NRP1: variants seen among roughly 807,000 people sequenced by gnomAD.
The protein encoded by NRP1 is neuropilin 1.
A neutral mutation model predicts 106.7 loss-of-function variants in NRP1; 35 were observed. That is an observed-to-expected ratio of 0.33 (90% CI 0.25 to 0.43). NRP1 has a LOEUF of 0.43. Among genes scored for constraint, NRP1 ranks in the 20% least tolerant of loss-of-function variants. The pLI is 1.00. For synonymous variants in NRP1, 437 were observed against 417.9 expected, an observed-to-expected ratio of 1.05 and a Z score of -0.56; for missense variants, 1,024 against 1,170.4, an observed-to-expected ratio of 0.87 and a Z score of 1.83.
Position 33,221,856 on chromosome 10 carries a change from T to C in NRP1, c.1145A>G (p.Gln382Arg). The C allele has an allele frequency of 1.9e-6, 3 of 1,610,614 alleles. No individual in the cohort carries two copies. Among genetic ancestry groups the C allele is most frequent in the Non-Finnish European group, 2.5e-6 (3 of 1,177,086 alleles). Residue 382 changes from glutamine to arginine, a missense_variant, in exon 8 of 17, where the codon CAG (glutamine) becomes CGG (arginine). Physicochemically the swap from Gln to Arg is conservative, Grantham distance 43. Around this residue, in one of 5 missense-constraint regions of NRP1, gnomAD observed 562 missense variants for 620.3 expected, o/e 0.91. Coordinates refer to ENST00000374867, the MANE Select transcript of NRP1 (RefSeq NM_003873.7). ...IKEGNKPVLF[Q>R]GNTNPTDVVV... ...AACATCTGTGGGGTTGGTGTTTCCCTGAAAGAGCTGTATGGGGAAAAAAAG... is the reference window on the plus strand; with the variant it reads ...AACATCTGTGGGGTTGGTGTTTCCCCGAAAGAGCTGTATGGGGAAAAAAAG...
rs551474580 is a variant in NRP1 at position 33,187,063 on chromosome 10, G to T, written c.2063-575C>A. Among the ~76,000 whole-genome samples the T allele has an allele frequency of 1.3e-4, 20 of 152,022 alleles. No individual in the cohort carries two copies. In the East Asian group the frequency reaches 3.9e-3, roughly 29 times the overall value. Reference sequence around the variant, plus strand: ...TAATTTTTTTTTTTAAGTAGAGATAGAATCTTGCTATGTTGCCCAGGCTAG... The same window carrying T: ...TAATTTTTTTTTTTAAGTAGAGATATAATCTTGCTATGTTGCCCAGGCTAG... On this transcript the variant is annotated intron_variant, in intron 13 of 16. Transcript: ENST00000374867.
chr10:33,299,684 T>C (rs969092863), intron 2 of NRP1, among the ~76,000 whole-genome samples: 5 of 151,858 alleles, frequency 3.3e-5, no homozygotes, highest in Non-Finnish European at 7.4e-5. Flanking sequence ...TACTGAAGAG[T>C]CTGAAGCAGG....
intron 6 of NRP1, among the ~76,000 whole-genome samples, chr10:33,244,661 T>C (rs1244974418): frequency 6.6e-6 from 1 of 152,120 alleles, no homozygotes. Flanking sequence ...ATATTATCTT[T>C]CCCATGAAAA....
chr10:33,327,884 T>C (rs1305408541), intron 2 of NRP1, among the ~76,000 whole-genome samples: 1 of 152,146 alleles, frequency 6.6e-6, no homozygotes, highest in Non-Finnish European at 1.5e-5. Flanking sequence ...TTCTCATTGA[T>C]AAAAAGCTCA....
At chr10:33,300,090 A>G (rs1845696570) in intron 2 of NRP1, among the ~76,000 whole-genome samples, 1 of 152,212 alleles carries the variant, frequency 6.6e-6, no homozygotes. Flanking sequence ...AGTCCCCTGT[A>G]TTCCTGTACA....
intron 5 of NRP1, among the ~76,000 whole-genome samples, chr10:33,254,938 G>A (rs1537174): frequency 0.14 from 21,798 of 152,162 alleles, 1,902 homozygotes; most frequent in East Asian, 0.47. Flanking sequence ...CAGCAGGGAC[G>A]TGGTGTTTCA....
chr10:33,199,278 C>T (rs1837032588), intron 11 of NRP1, among the ~76,000 whole-genome samples: 2 of 147,218 alleles, frequency 1.4e-5, no homozygotes, highest in African/African-American at 5.0e-5. Flanking sequence ...CTCACTGTGG[C>T]CTCAAACTTC....
At chr10:33,307,146 A>C (rs1846222702) in intron 2 of NRP1, among the ~76,000 whole-genome samples, 1 of 152,194 alleles carries the variant, frequency 6.6e-6, no homozygotes, top group Admixed American at 6.5e-5. Flanking sequence ...ATAGGCTCAA[A>C]TCTTCATAAA....
At chr10:33,239,083 G>C (rs773549122) in intron 6 of NRP1, among the ~76,000 whole-genome samples, 7 of 152,050 alleles carry the variant, frequency 4.6e-5, no homozygotes, top group Non-Finnish European at 7.4e-5. Flanking sequence ...TTGAGCTCAG[G>C]AGTTCAAGAT....
chr10:33,330,860 T>G lies in NRP1; in HGVS notation c.96A>C (p.Lys32Asn), dbSNP rs746772930. 1 of 1,607,758 alleles carries G rather than the reference T, an allele frequency of 6.2e-7. No individual in the cohort carries two copies. Reference sequence around the variant, plus strand: ...ATGTAAGGTACCCGGGGCTTTCAATTTTTATAGTATCGCCACATTTATCTG... The same window carrying G: ...ATGTAAGGTACCCGGGGCTTTCAATGTTTATAGTATCGCCACATTTATCTG... ...FRNDKCGDTI[K>N]IESPGYLTSP... The change falls in exon 2 of 17, where the codon AAA becomes AAC. Residue 32 changes from lysine (K) to asparagine (N), a missense_variant. By Grantham distance (94) the Lys-to-Asn change is moderately conservative. Coordinates refer to ENST00000374867, the MANE Select transcript of NRP1 (RefSeq NM_003873.7).
At chr10:33,235,484 C>T (rs1840485505) in intron 6 of NRP1, among the ~76,000 whole-genome samples, 1 of 152,228 alleles carries the variant, frequency 6.6e-6, no homozygotes, top group African/African-American at 2.4e-5. Context: ...CTGTGGCAAG[C>T]CACCAGAAAA....
At chr10:33,209,655 T>C (rs570974799) in intron 9 of NRP1, among the ~76,000 whole-genome samples, 1 of 152,234 alleles carries the variant, frequency 6.6e-6, no homozygotes, top group South Asian at 2.1e-4. Context: ...TTTTGCATTT[T>C]CAGTAGAAAC....
intron 3 of NRP1, among the ~76,000 whole-genome samples, chr10:33,269,948 CATT>C (rs1387044778): frequency 6.6e-6 from 1 of 152,178 alleles, no homozygotes; most frequent in Non-Finnish European, 1.5e-5. Flanking sequence ...ATAATTATTT[CATT>C]ATATATTACA....
At chr10:33,213,215 A>G (rs77435617) in intron 9 of NRP1, 171 bp downstream of exon 9, 25,293 of 1,532,946 alleles carry the variant, frequency 0.016, 234 homozygotes, top group Non-Finnish European at 0.02. Context: ...ATCACTTTTC[A>G]TGCCATATTC....
intron 2 of NRP1, among the ~76,000 whole-genome samples, chr10:33,299,841 G>C (rs996410554): frequency 1.1e-4 from 16 of 152,306 alleles, no homozygotes; most frequent in Non-Finnish European, 2.1e-4. Context: ...ATGCTTGCTT[G>C]AGAATCCTGG....
chr10:33,197,743 G>A, intron 11 of NRP1, 34 bp from the exon 12 acceptor site: 1 of 1,325,218 alleles, frequency 7.5e-7, no homozygotes, highest in Non-Finnish European at 1.1e-6. Flanking sequence ...GCAAAAATAA[G>A]AAAACAGTAG....
intron 6 of NRP1, among the ~76,000 whole-genome samples, chr10:33,236,688 A>G (rs1436826384): frequency 6.6e-6 from 1 of 152,240 alleles, no homozygotes; most frequent in Non-Finnish European, 1.5e-5. Flanking sequence ...GGTAACAGTA[A>G]TAGAAGAATG....
At chr10:33,191,688 A>G (rs1359136473) in intron 13 of NRP1, among the ~76,000 whole-genome samples, 1 of 152,306 alleles carries the variant, frequency 6.6e-6, no homozygotes, top group Non-Finnish European at 1.5e-5. Context: ...CAGAAAAAGT[A>G]TAAGATGAGG....
intron 6 of NRP1, among the ~76,000 whole-genome samples, chr10:33,237,591 T>C (rs1215881175): frequency 6.8e-6 from 1 of 147,378 alleles, no homozygotes; most frequent in African/African-American, 2.5e-5. Flanking sequence ...TTTTTTTTTT[T>C]TTTTTTGAGA....
Sources: gnomAD v4.1 joint callset for allele counts (sites outside exome capture counted in the v4.1 genomes callset) on GRCh38, gnomAD v4.1.1 for gene constraint, gnomAD v4.1.1 regional missense constraint, MANE v1.5 for transcripts, NCBI Gene and HGNC (gene_info 2026-07-23, HGNC 2026-07-21) for gene names.